SF3B3: variants seen among roughly 807,000 people sequenced by gnomAD.
SF3B3 encodes the protein splicing factor 3b subunit 3.
Under a neutral mutation model 139.2 loss-of-function variants are expected in SF3B3, and 33 were observed. That is an observed-to-expected ratio of 0.24 (90% CI 0.18 to 0.32). The LOEUF (loss-of-function observed/expected upper bound fraction) is 0.32. Among genes scored for constraint, SF3B3 ranks in the 10% least tolerant of loss-of-function variants. SF3B3 has a pLI of 1.00. For synonymous variants in SF3B3, 596 were observed against 563.6 expected (o/e 1.06, Z -0.81); for missense variants, 818 against 1,509.4 (o/e 0.54, Z 7.59).
At chr16:70,529,514 T>G (rs550547834) in intron 3 of SF3B3, 4 of 314,040 alleles carry the variant, frequency 1.3e-5, no homozygotes, top group Non-Finnish European at 2.4e-5. Flanking sequence ...TTCATCAGCC[T>G]GAAGTGATGA....
At chr16:70,524,089 T>A (rs1307183980) in intron 1 of SF3B3, 161 bp downstream of exon 1, 4 of 391,548 alleles carry the variant, frequency 1.0e-5, no homozygotes. Context: ...CAAAACGGCT[T>A]CCTGCAGTTA....
chr16:70,528,598 TAG>T (rs2050089827), intron 2 of SF3B3, among the ~76,000 whole-genome samples: 1 of 151,374 alleles, frequency 6.6e-6, no homozygotes. Flanking sequence ...TAGCTGGGAC[TAG>T]AGGCACAGGC....
At chr16:70,546,399 TC>T (rs1391227566) in intron 10 of SF3B3, among the ~76,000 whole-genome samples, 1 of 152,148 alleles carries the variant, frequency 6.6e-6, no homozygotes, top group African/African-American at 2.4e-5. Flanking sequence ...CGCCTGTAAT[TC>T]CAGCACTTTA....
intron 4 of SF3B3, 108 bp from the exon 5 acceptor site, chr16:70,532,371 G>C: frequency 4.6e-6 from 2 of 438,752 alleles, no homozygotes. Context: ...AAAAAAAGAA[G>C]ACATTTGTGG....
intron 20 of SF3B3, among the ~76,000 whole-genome samples, chr16:70,566,919 A>T (rs2050482332): frequency 6.6e-6 from 1 of 152,030 alleles, no homozygotes; most frequent in Admixed American, 6.6e-5. Flanking sequence ...GCTTGATGGC[A>T]CATGCCTGTA....
At chr16:70,555,517 G>A (rs957188244) in intron 13 of SF3B3, among the ~76,000 whole-genome samples, 1 of 149,550 alleles carries the variant, frequency 6.7e-6, no homozygotes, top group South Asian at 2.1e-4. Flanking sequence ...TGGAGTGACA[G>A]TGTTCACAAA....
chr16:70,540,071 A>G (rs1335686444), intron 8 of SF3B3, among the ~76,000 whole-genome samples: 2 of 147,146 alleles, frequency 1.4e-5, no homozygotes, highest in East Asian at 4.5e-4. Flanking sequence ...CACTGCGCCC[A>G]GCAGTACTTA....
intron 2 of SF3B3, among the ~76,000 whole-genome samples, chr16:70,528,595 GA>G (rs2050089785): frequency 6.6e-6 from 1 of 151,362 alleles, no homozygotes. Context: ...ACGTAGCTGG[GA>G]CTAGAGGCAC....
rs1015909720 is a variant in SF3B3 at position 70,544,213 on chromosome 16, T to A, written c.1234-225T>A. Among the ~76,000 whole-genome samples, 14 of 152,330 alleles carry A rather than the reference T, an allele frequency of 9.2e-5. 1 individual carries two copies. Among genetic ancestry groups the A allele is most frequent in the Admixed American group, 2.0e-4 (3 of 15,300 alleles). ...TATACCCTCAGTACTCACATGTGCGTCTGTGTTACAGTAGACTCCATTGCT... is the reference window on the plus strand; with the variant it reads ...TATACCCTCAGTACTCACATGTGCGACTGTGTTACAGTAGACTCCATTGCT... On this transcript the variant is annotated intron_variant, in intron 9 of 25. Transcript: ENST00000302516.
At position 70,573,112 on chromosome 16, in the gene SF3B3, T is replaced by C. The variant is rs907878416; in HGVS notation, c.*1299T>C. The C allele has an allele frequency of 6.6e-6, 1 of 152,240 alleles. No homozygotes were observed. The highest frequency in any genetic ancestry group is 2.4e-5 in the African/African-American group (1 of 41,468). The allele number at this position is 152,240 out of a possible 1,614,324, so 9.4% of individuals were successfully genotyped here. ...TTCCTGACACTGTGACACTGTCTCC[T>C]GGAACTAAGTATCTCTTGAATCATG... On this transcript the variant is annotated 3_prime_UTR_variant, in exon 26 of 26. Transcript: ENST00000302516.
chr16:70,528,903 G>T lies in SF3B3; in HGVS notation c.101G>T (p.Arg34Leu), dbSNP rs747956296. Residue 34 changes from arginine to leucine, a missense_variant, in exon 3 of 26, where the codon CGT (arginine) becomes CTT (leucine). Arg to Leu is a moderately radical substitution (Grantham distance 102, BLOSUM62 -2). This residue lies in a region of SF3B3 where 144 missense variants were observed against 259.2 expected (regional missense o/e 0.56). Transcript: ENST00000302516. ...AAACAACAAGAAATTGTTGTTTCCC[G>T]TGGGAAGATCTTGGAGCTGCTTCGC... The part of the protein sequence containing the change: ...GTKQQEIVVS[R>L]GKILELLRPD... 2.5e-6 allele frequency: 4 copies of T among 1,612,216 alleles called. No individual in the cohort carries two copies. The highest frequency in any genetic ancestry group is 1.7e-6 in the Non-Finnish European group (2 of 1,178,514).
intron 13 of SF3B3, 133 bp downstream of exon 13, chr16:70,555,339 G>T (rs1166425945): frequency 2.0e-5 from 16 of 781,068 alleles, no homozygotes; most frequent in South Asian, 2.0e-4. Context: ...TTAGCTGGGC[G>T]TGTTGGCATG....
In SF3B3 at chr16:70,565,394, C is replaced by A; in HGVS notation, c.2696C>A (p.Thr899Asn). 6.2e-7 allele frequency: 1 copy of A among 1,614,148 alleles called. No homozygotes were observed. Among genetic ancestry groups the A allele is most frequent in the Non-Finnish European group, 8.5e-7 (1 of 1,180,034 alleles). Residue 899 changes from threonine to asparagine, a missense_variant, in exon 20 of 26, where the codon ACT becomes AAT. Coordinates refer to ENST00000302516, the MANE Select transcript of SF3B3 (RefSeq NM_012426.5). ...FSVAVCRFSNTGEDWYVLVGV... is the reference protein window; with the variant it reads ...FSVAVCRFSNNGEDWYVLVGV... ...GTGGCTGTGTGCAGGTTTTCCAACACTGGTGAAGACTGGTATGTGCTGGTG... is the reference window on the plus strand; with the variant it reads ...GTGGCTGTGTGCAGGTTTTCCAACAATGGTGAAGACTGGTATGTGCTGGTG...
chr16:70,532,736 C>A, intron 5 of SF3B3, 116 bp downstream of exon 5: 1 of 890,322 alleles, frequency 1.1e-6, no homozygotes, highest in Non-Finnish European at 1.7e-6. Flanking sequence ...AACCTGAATA[C>A]CTTATCTTTT....
chr16:70,539,830 G>A (rs2050202346), intron 8 of SF3B3, among the ~76,000 whole-genome samples: 1 of 150,134 alleles, frequency 6.7e-6, no homozygotes, highest in Non-Finnish European at 1.5e-5. Flanking sequence ...AGACTGGAGT[G>A]CAATGGTGTG....
rs996801754 is a variant in SF3B3 at position 70,528,726 on chromosome 16, T to C, written c.71-147T>C. ...TCTACCTCCTGGGTTCAAGCGATTC[T>C]CCTGCCTTAGCCTCCCGAGTAGCTG... On this transcript the variant is annotated intron_variant, in intron 2 of 25. Coordinates refer to ENST00000302516, the MANE Select transcript of SF3B3 (RefSeq NM_012426.5). The C allele has an allele frequency of 2.5e-5, 15 of 610,312 alleles. No homozygotes were observed. In the Admixed American group the frequency reaches 3.3e-4, roughly 13 times the overall value. 37.8% of individuals were successfully genotyped at this position (610,312 alleles called of 1,614,324 possible). A position where few individuals can be genotyped will look rare whatever the true frequency, so the allele number is the denominator to read the frequency against.
intron 9 of SF3B3, among the ~76,000 whole-genome samples, chr16:70,543,009 C>T (rs1194921406): frequency 6.6e-6 from 1 of 152,126 alleles, no homozygotes; most frequent in Non-Finnish European, 1.5e-5. Flanking sequence ...AGGTGTGAGC[C>T]ACCACGCCCG....
intron 17 of SF3B3, 70 bp downstream of exon 17, chr16:70,561,854 A>C: frequency 7.1e-7 from 1 of 1,398,744 alleles, no homozygotes. Context: ...GTTCTGCCAG[A>C]GTGTTGGAGG....
Position 70,567,412 on chromosome 16 carries a change from C to G in SF3B3, c.2828C>G (p.Thr943Ser), listed in dbSNP as rs1312707260. Residue 943 changes from threonine (T) to serine (S), a missense_variant and splice_region_variant, in exon 21 of 26, where the codon ACT (threonine) becomes AGT (serine). Coordinates refer to ENST00000302516, the MANE Select transcript of SF3B3 (RefSeq NM_012426.5). Reference sequence around the variant, plus strand: ...GTATTACCTGCTTTTCCTCTATAGACTCCTGTGGAAGAGGTCCCTGCTGCT... The same window carrying G: ...GTATTACCTGCTTTTCCTCTATAGAGTCCTGTGGAAGAGGTCCCTGCTGCT... The part of the protein sequence containing the change: ...NGEKLEFLHK[T>S]PVEEVPAAIA... 5.6e-6 allele frequency: 9 copies of G among 1,612,936 alleles called. No individual in the cohort carries two copies. The highest frequency in any genetic ancestry group is 7.6e-6 in the Non-Finnish European group (9 of 1,179,608).
Sources: allele counts gnomAD v4.1 joint callset (sites outside exome capture counted in the v4.1 genomes callset), GRCh38; gene constraint gnomAD v4.1.1; regional missense constraint gnomAD v4.1.1; transcripts MANE v1.5; gene names NCBI Gene and HGNC (gene_info 2026-07-23, HGNC 2026-07-21).